The following BCL9 variants were observed in gnomAD, a reference collection of about 807,000 sequenced individuals.
BCL9 encodes the protein BCL9 transcription coactivator.
BCL9 carries 25 observed loss-of-function variants against 88.5 expected under a neutral mutation model. The ratio of observed to expected loss-of-function variants is 0.28; its 90% confidence interval spans 0.21 to 0.39. BCL9 has a LOEUF of 0.39. Among genes scored for constraint, BCL9 ranks in the 10% least tolerant of loss-of-function variants. BCL9 has a pLI of 1.00. For missense variants in BCL9, 1,817 were observed against 1,877.8 expected, an observed-to-expected ratio of 0.97 and a Z score of 0.60; for synonymous variants, 711 against 673.3, an observed-to-expected ratio of 1.06 and a Z score of -0.87.
chr1:147,557,269 G>T (rs1557822758), intron 1 of BCL9, among the ~76,000 whole-genome samples: 1 of 152,156 alleles, frequency 6.6e-6, no homozygotes, highest in Admixed American at 6.5e-5. Context: ...ACATTCTTAT[G>T]TGAGGAAAAA....
chr1:147,557,037 G>A (rs1169736427), intron 1 of BCL9, among the ~76,000 whole-genome samples: 3 of 152,210 alleles, frequency 2.0e-5, no homozygotes, highest in African/African-American at 7.2e-5. Flanking sequence ...GCAATCTACT[G>A]TCTAGAAGTT....
chr1:147,619,175 G>T lies in BCL9; in HGVS notation c.1020G>T (p.Glu340Asp), dbSNP rs1448138130. Reference sequence around the variant, plus strand: ...CGCCTCCACCAGTGTCCAGTGGCGAGCCCCCCACACTGGGAGAGAATCCCG... The same window carrying T: ...CGCCTCCACCAGTGTCCAGTGGCGATCCCCCCACACTGGGAGAGAATCCCG... ...APPPPPVSSG[E>D]PPTLGENPDG... Residue 340 changes from glutamate (E) to aspartate (D), a missense_variant, in exon 8 of 10, where the codon GAG (glutamate) becomes GAT (aspartate). Glu to Asp is a conservative substitution (Grantham distance 45). Transcript: ENST00000234739. This position sits in a 1 kb window ranked among gnomAD's most constrained non-coding sequence, Gnocchi z 4.1. 1.9e-6 allele frequency: 3 copies of T among 1,613,238 alleles called. No homozygotes were observed. Among genetic ancestry groups the T allele is most frequent in the Non-Finnish European group, 8.5e-7 (1 of 1,179,588 alleles).
intron 1 of BCL9, among the ~76,000 whole-genome samples, chr1:147,551,313 T>C (rs1446836193): frequency 6.6e-6 from 1 of 152,146 alleles, no homozygotes; most frequent in Non-Finnish European, 1.5e-5. Flanking sequence ...ATTTCCAAAG[T>C]CATATAATTG....
At chr1:147,586,316 C>G (rs59188898) in intron 1 of BCL9, among the ~76,000 whole-genome samples, 5 of 151,892 alleles carry the variant, frequency 3.3e-5, no homozygotes, top group African/African-American at 9.7e-5. Flanking sequence ...CTCATTACCC[C>G]CTACCTGGAC....
chr1:147,547,003 T>TG (rs1164558037), intron 1 of BCL9, among the ~76,000 whole-genome samples: 3 of 104 alleles, frequency 0.029, no homozygotes, highest in Non-Finnish European at 0.042. Flanking sequence ...AAAAATCGTG[T>TG]TTTTTTTTAT....
chr1:147,574,916 G>T (rs187530150), intron 1 of BCL9, among the ~76,000 whole-genome samples: 29 of 152,176 alleles, frequency 1.9e-4, no homozygotes, highest in African/African-American at 7.0e-4. Flanking sequence ...ATGAGCCCTT[G>T]GTCTACTCCA....
chr1:147,555,287 C>T (rs1391450239), intron 1 of BCL9, among the ~76,000 whole-genome samples: 1 of 152,118 alleles, frequency 6.6e-6, no homozygotes, highest in Non-Finnish European at 1.5e-5. Context: ...GATTTCTCCC[C>T]TGGGAAGTGA....
chr1:147,587,852 C>T lies in BCL9; in HGVS notation c.-477-16925C>T, dbSNP rs1656687287. ...CCAGCCCAGGGGTATTTCAACTTTT[C>T]TGTGTCATGGGCCCCCATGAGCAGT... is the stretch of plus-strand genomic sequence containing the variant. On this transcript the variant is annotated intron_variant, in intron 1 of 9. Coordinates refer to ENST00000234739, the MANE Select transcript of BCL9 (RefSeq NM_004326.4). Among the ~76,000 whole-genome samples the T allele has an allele frequency of 2.6e-5, 4 of 151,734 alleles. No homozygotes were observed. The South Asian group carries it at 8.3e-4, about 32-fold the overall frequency.
At position 147,620,689 on chromosome 1, in the gene BCL9, C is replaced by T; in HGVS notation, c.2534C>T (p.Pro845Leu). The T allele has an allele frequency of 6.2e-7, 1 of 1,614,224 alleles. No homozygotes were observed. Residue 845 changes from proline (P) to leucine (L), a missense_variant, in exon 8 of 10, where the codon CCC (proline) becomes CTC (leucine). Physicochemically the swap from Pro to Leu is moderately conservative, Grantham distance 98. This residue lies in a region of BCL9 where 1,228 missense variants were observed against 1,191.6 expected (regional missense o/e 1.03). Transcript: ENST00000234739. ...GTTCAGCGCGGCCTGGGGCGGAAGC[C>T]CTTGGATATATCTGTGGCAGGCAGC... ...PPVQRGLGRK[P>L]LDISVAGSQV...
At chr1:147,574,483 C>T (rs1656023032) in intron 1 of BCL9, among the ~76,000 whole-genome samples, 1 of 152,134 alleles carries the variant, frequency 6.6e-6, no homozygotes, top group Admixed American at 6.5e-5. Flanking sequence ...TGTTTTATTT[C>T]CAGTGTGAAA....
At chr1:147,584,966 A>G (rs1156672442) in intron 1 of BCL9, among the ~76,000 whole-genome samples, 1 of 152,170 alleles carries the variant, frequency 6.6e-6, no homozygotes, top group Middle Eastern at 3.2e-3. Context: ...CGGCATAAAA[A>G]GAGCAAATCT....
At chr1:147,586,861 C>T (rs1282993930) in intron 1 of BCL9, among the ~76,000 whole-genome samples, 1 of 152,122 alleles carries the variant, frequency 6.6e-6, no homozygotes, top group Non-Finnish European at 1.5e-5. Context: ...GATGCAAACT[C>T]CTTAGCCTTA....
chr1:147,606,363 T>C (rs1375942222), intron 2 of BCL9, among the ~76,000 whole-genome samples: 2 of 152,246 alleles, frequency 1.3e-5, no homozygotes, highest in African/African-American at 4.8e-5. Flanking sequence ...ATCTTCACTT[T>C]GTAAATTCAG....
intron 8 of BCL9, among the ~76,000 whole-genome samples, chr1:147,621,291 T>G (rs1297926175): frequency 6.6e-6 from 1 of 152,016 alleles, no homozygotes. Context: ...AGAGGGGAAA[T>G]GGGGAATATG....
rs1322356076 is a variant in BCL9, at chr1:147,620,275, T to C, written c.2120T>C (p.Leu707Pro). ...CCACAGATGGGCCCTGGTCGGGAACTTGAGTTTGGGATGGTTCCTAGTGGG... is the reference window on the plus strand; with the variant it reads ...CCACAGATGGGCCCTGGTCGGGAACCTGAGTTTGGGATGGTTCCTAGTGGG... ...IPPQMGPGRE[L>P]EFGMVPSGMK... Residue 707 changes from leucine (L) to proline (P), a missense_variant, in exon 8 of 10, where the codon CTT becomes CCT. Physicochemically the swap from Leu to Pro is moderately conservative, Grantham distance 98. Around this residue, in one of 2 missense-constraint regions of BCL9, gnomAD observed 1,228 missense variants for 1,191.6 expected, o/e 1.03. Coordinates refer to ENST00000234739, the MANE Select transcript of BCL9 (RefSeq NM_004326.4). 1.2e-6 allele frequency: 2 copies of C among 1,614,090 alleles called. No homozygotes were observed. Among genetic ancestry groups the C allele is most frequent in the African/African-American group, 2.7e-5 (2 of 74,948 alleles).
At chr1:147,597,046 T>C (rs1657088080) in intron 1 of BCL9, among the ~76,000 whole-genome samples, 1 of 152,226 alleles carries the variant, frequency 6.6e-6, no homozygotes, top group African/African-American at 2.4e-5. Flanking sequence ...TTGTTAGGAA[T>C]GAACAATCAT....
At chr1:147,554,262 CA>C (rs1482220559) in intron 1 of BCL9, among the ~76,000 whole-genome samples, 1 of 151,900 alleles carries the variant, frequency 6.6e-6, no homozygotes, top group Non-Finnish European at 1.5e-5. Flanking sequence ...TCAAAGAAAA[CA>C]AAGCAGAAAT....
At chr1:147,616,542 C>T (rs1478419683) in intron 7 of BCL9, among the ~76,000 whole-genome samples, 7 of 152,014 alleles carry the variant, frequency 4.6e-5, no homozygotes, top group African/African-American at 9.7e-5. Context: ...CCGAGGCAGG[C>T]GGATCACAAG....
chr1:147,606,706 CTT>C (rs1553202037), intron 2 of BCL9, 76 bp from the exon 3 acceptor site: 2 of 152,274 alleles, frequency 1.3e-5, no homozygotes, highest in Non-Finnish European at 2.9e-5. Flanking sequence ...CTGTTTTTCT[CTT>C]AAGATATTCA....
Sources: allele counts gnomAD v4.1 joint callset (sites outside exome capture counted in the v4.1 genomes callset), GRCh38; gene constraint gnomAD v4.1.1; regional missense constraint gnomAD v4.1.1; non-coding constraint Gnocchi (gnomAD v3.1); transcripts MANE v1.5; gene names NCBI Gene and HGNC (gene_info 2026-07-23, HGNC 2026-07-21).